Variants in CHRM3 observed in about 807,000 individuals in gnomAD.
CHRM3 encodes muscarinic acetylcholine receptor M3.
A neutral mutation model predicts 41.8 loss-of-function variants in CHRM3; 11 were observed. The observed-to-expected ratio is 0.26, with a 90% CI of 0.17 to 0.44. The LOEUF (loss-of-function observed/expected upper bound fraction) is 0.44, where lower values mean the gene tolerates loss of function less well. Ranked by LOEUF, CHRM3 falls within the 20% of genes least tolerant of loss-of-function variation. The pLI, the probability that CHRM3 is intolerant of heterozygous loss-of-function variation, is 1.00. For synonymous variants in CHRM3, 297 were observed against 301.4 expected, an observed-to-expected ratio of 0.99 and a Z score of 0.15; for missense variants, 571 against 745.4, an observed-to-expected ratio of 0.77 and a Z score of 2.72.
chr1:239,472,399 A>T (rs1476894330), intron 1 of CHRM3, among the ~76,000 whole-genome samples: 1 of 152,122 alleles, frequency 6.6e-6, no homozygotes, highest in Non-Finnish European at 1.5e-5. Context: ...GGAAGCCCTC[A>T]TTGCTGGAAG....
chr1:239,522,622 G>A (rs1200080903), intron 2 of CHRM3, among the ~76,000 whole-genome samples: 2 of 152,192 alleles, frequency 1.3e-5, no homozygotes, highest in Non-Finnish European at 2.9e-5. Flanking sequence ...TGCATATTCT[G>A]CTTTTGTGCA....
At chr1:239,830,565 GT>G (rs1672814949) in intron 6 of CHRM3, among the ~76,000 whole-genome samples, 1 of 152,324 alleles carries the variant, frequency 6.6e-6, no homozygotes, top group Middle Eastern at 3.4e-3. Context: ...CTAGCCAGGT[GT>G]GGTGGCGCGT....
intron 2 of CHRM3, among the ~76,000 whole-genome samples, chr1:239,506,450 C>T (rs1261507743): frequency 6.6e-6 from 1 of 152,170 alleles, no homozygotes; most frequent in African/African-American, 2.4e-5. Flanking sequence ...ACAGCTTCCA[C>T]GTGGTGTTGA....
chr1:239,405,619 G>A (rs1038526870), intron 1 of CHRM3, among the ~76,000 whole-genome samples: 1 of 151,944 alleles, frequency 6.6e-6, no homozygotes, highest in African/African-American at 2.4e-5. Context: ...AAAAAAAATT[G>A]TTCTTTTAGA....
chr1:239,903,709 T>C (rs1207621452), intron 6 of CHRM3, among the ~76,000 whole-genome samples: 2 of 152,330 alleles, frequency 1.3e-5, no homozygotes, highest in African/African-American at 2.4e-5. Context: ...CTTTCCTCTA[T>C]GTTTGCTTAC....
chr1:239,395,415 A>C (rs1659393073), intron 1 of CHRM3, among the ~76,000 whole-genome samples: 1 of 151,952 alleles, frequency 6.6e-6, no homozygotes, highest in Non-Finnish European at 1.5e-5. Flanking sequence ...TGACCATCCT[A>C]CAGCTCAAAT....
chr1:239,530,043 G>GC (rs1670285578), intron 2 of CHRM3, among the ~76,000 whole-genome samples: 1 of 151,924 alleles, frequency 6.6e-6, no homozygotes, highest in Non-Finnish European at 1.5e-5. Context: ...GACTGCAGGT[G>GC]CCCGCCACCA....
intron 5 of CHRM3, among the ~76,000 whole-genome samples, chr1:239,722,226 A>C: frequency 6.6e-6 from 1 of 151,888 alleles, no homozygotes; most frequent in East Asian, 1.9e-4. Context: ...GGATTGACTG[A>C]AACCAATTTT....
chr1:239,878,044 C>A (rs1281940111), intron 6 of CHRM3, among the ~76,000 whole-genome samples: 2 of 151,900 alleles, frequency 1.3e-5, no homozygotes, highest in Non-Finnish European at 2.9e-5. Flanking sequence ...GTGCGTGCCA[C>A]CACACCCGGC....
rs141674709 is a variant in CHRM3, at chr1:239,901,150, G to A, written c.-19-6283G>A. Among the ~76,000 whole-genome samples the A allele has an allele frequency of 1.7e-3, 256 of 152,246 alleles. 1 individual carries two copies. Among genetic ancestry groups the A allele is most frequent in the African/African-American group, 5.5e-3 (228 of 41,532 alleles). ...CACCAGACAGGAGGGCATGAGGCAC[G>A]CATCTTCTTTGAGTCTGATCAATAT... On this transcript the variant is annotated intron_variant, in intron 6 of 6. Transcript: ENST00000676153.
chr1:239,446,958 A>G (rs1664197146), intron 1 of CHRM3, among the ~76,000 whole-genome samples: 1 of 152,202 alleles, frequency 6.6e-6, no homozygotes, highest in South Asian at 2.1e-4. Context: ...TATTTAAAAT[A>G]GTTAAAATAA....
chr1:239,659,521 A>C (rs901651726), intron 4 of CHRM3, among the ~76,000 whole-genome samples: 1 of 152,212 alleles, frequency 6.6e-6, no homozygotes, highest in African/African-American at 2.4e-5. Flanking sequence ...TAGTAAAAGC[A>C]CAAGTCTGTC....
At chr1:239,643,409 G>T (rs1285344983) in intron 4 of CHRM3, among the ~76,000 whole-genome samples, 4 of 152,156 alleles carry the variant, frequency 2.6e-5, no homozygotes, top group Non-Finnish European at 5.9e-5. Context: ...CTTGAGCTGT[G>T]GTGGGCTCCA....
At chr1:239,426,687 A>G (rs1662418846) in intron 1 of CHRM3, among the ~76,000 whole-genome samples, 1 of 152,156 alleles carries the variant, frequency 6.6e-6, no homozygotes, top group Non-Finnish European at 1.5e-5. Context: ...CAACCAACAC[A>G]CTTACTGGTT....
chr1:239,411,937 T>C (rs1661105280), intron 1 of CHRM3, among the ~76,000 whole-genome samples: 1 of 151,900 alleles, frequency 6.6e-6, no homozygotes, highest in African/African-American at 2.4e-5. Context: ...TTTACTTTCA[T>C]ATTTCTAAAT....
chr1:239,721,383 G>C (rs1175442624), intron 5 of CHRM3, among the ~76,000 whole-genome samples: 1 of 151,904 alleles, frequency 6.6e-6, no homozygotes, highest in East Asian at 1.9e-4. Flanking sequence ...AGGATGGAGA[G>C]AATGAGAAAC....
In CHRM3 at chr1:239,728,999, C is replaced by T. The variant is rs1434361574; in HGVS notation, c.-147+50711C>T. ...TCAGGGAGTGCATGAGATGAGAACA[C>T]TGAGAATGACATGAACTTTATTACA... On this transcript the variant is annotated intron_variant, in intron 5 of 6. Transcript: ENST00000676153. 3.3e-5 allele frequency among the ~76,000 whole-genome samples: 5 copies of T among 151,828 alleles called. No individual in the cohort carries two copies. In the South Asian group the frequency reaches 6.2e-4, roughly 19 times the overall value.
intron 1 of CHRM3, among the ~76,000 whole-genome samples, chr1:239,398,111 T>G (rs1659652472): frequency 2.0e-5 from 3 of 152,078 alleles, no homozygotes; most frequent in Non-Finnish European, 4.4e-5. Context: ...AACCTAGAGA[T>G]AGCAGCAAAG....
At chr1:239,623,069 T>A (rs1473128082) in intron 3 of CHRM3, among the ~76,000 whole-genome samples, 3 of 152,082 alleles carry the variant, frequency 2.0e-5, no homozygotes, top group Admixed American at 6.5e-5. Flanking sequence ...AAAAAAATTA[T>A]AACTCTATAA....
Sources: allele counts gnomAD v4.1 joint callset (sites outside exome capture counted in the v4.1 genomes callset), GRCh38; gene constraint gnomAD v4.1.1; transcripts MANE v1.5; gene names NCBI Gene and HGNC (gene_info 2026-07-23, HGNC 2026-07-21).